Variants in KCNH7 observed in about 807,000 individuals in gnomAD.
KCNH7 encodes voltage-gated inwardly rectifying potassium channel KCNH7.
In KCNH7, 49 loss-of-function variants were observed where a neutral mutation model predicts 120.8. The ratio of observed to expected loss-of-function variants is 0.41; its 90% CI spans 0.32 to 0.51. The LOEUF is 0.51. Among genes scored for constraint, KCNH7 ranks in the 20% least tolerant of loss-of-function variants. The probability of loss-of-function intolerance (pLI) is 0.38; values close to 1 mark genes in which losing one functional copy is unlikely to be tolerated. For missense variants in KCNH7, 1,097 were observed against 1,446.6 expected, an observed-to-expected ratio of 0.76 and a Z score of 3.92; for synonymous variants, 547 against 516.1, an observed-to-expected ratio of 1.06 and a Z score of -0.81.
At chr2:162,443,013 C>T (rs1688474258) in intron 7 of KCNH7, among the ~76,000 whole-genome samples, 1 of 152,142 alleles carries the variant, frequency 6.6e-6, no homozygotes, top group Non-Finnish European at 1.5e-5. Context: ...TCCTGGGATT[C>T]CTCTTTATCC....
intron 2 of KCNH7, among the ~76,000 whole-genome samples, chr2:162,704,122 T>C (rs899806162): frequency 4.6e-5 from 7 of 152,112 alleles, no homozygotes; most frequent in African/African-American, 1.7e-4. Flanking sequence ...TGAGATTGGG[T>C]AATATTTCCC....
At chr2:162,387,091 A>G (rs1227050240) in intron 12 of KCNH7, among the ~76,000 whole-genome samples, 1 of 150,900 alleles carries the variant, frequency 6.6e-6, no homozygotes. Flanking sequence ...AAAAAATTTG[A>G]TATCCTTGAA....
intron 2 of KCNH7, among the ~76,000 whole-genome samples, chr2:162,647,673 T>C (rs117569223): frequency 1.3e-5 from 2 of 152,300 alleles, no homozygotes; most frequent in East Asian, 3.9e-4. Flanking sequence ...ATTTAAGACG[T>C]GACTTTGCTC....
intron 2 of KCNH7, among the ~76,000 whole-genome samples, chr2:162,676,496 T>C (rs1312281387): frequency 6.6e-6 from 1 of 151,426 alleles, no homozygotes; most frequent in African/African-American, 2.4e-5. Flanking sequence ...TTCCAATTCC[T>C]CTACTTCCAT....
chr2:162,448,696 T>C (rs1310202178), intron 6 of KCNH7, among the ~76,000 whole-genome samples: 1 of 152,094 alleles, frequency 6.6e-6, no homozygotes, highest in Admixed American at 6.6e-5. Flanking sequence ...AACAGCAATC[T>C]TGGAACTGTG....
chr2:162,608,083 C>T (rs1047928813), intron 2 of KCNH7, among the ~76,000 whole-genome samples: 4 of 152,040 alleles, frequency 2.6e-5, no homozygotes, highest in Non-Finnish European at 4.4e-5. Context: ...GTAGTAGTTG[C>T]GGGTGTACTT....
At chr2:162,751,903 C>T (rs1688564668) in intron 2 of KCNH7, among the ~76,000 whole-genome samples, 2 of 151,828 alleles carry the variant, frequency 1.3e-5, no homozygotes, top group Admixed American at 6.6e-5. Context: ...ACCCCTATAA[C>T]TCACTGAATT....
At chr2:162,706,455 C>T (rs1408435475) in intron 2 of KCNH7, among the ~76,000 whole-genome samples, 1 of 151,944 alleles carries the variant, frequency 6.6e-6, no homozygotes, top group Non-Finnish European at 1.5e-5. Context: ...CCTTATTTTC[C>T]CTATTTTACA....
chr2:162,732,173 T>C (rs528716245), intron 2 of KCNH7, among the ~76,000 whole-genome samples: 1 of 152,068 alleles, frequency 6.6e-6, no homozygotes, highest in Non-Finnish European at 1.5e-5. Flanking sequence ...AGGGACTACG[T>C]GTGAAGAGGA....
At chr2:162,618,525 T>G (rs1267573176) in intron 2 of KCNH7, among the ~76,000 whole-genome samples, 1 of 152,148 alleles carries the variant, frequency 6.6e-6, no homozygotes, top group Admixed American at 6.5e-5. Context: ...AAGTACTGAT[T>G]TGAAAATAAA....
chr2:162,716,616 A>C (rs1176263537), intron 2 of KCNH7, among the ~76,000 whole-genome samples: 3 of 152,088 alleles, frequency 2.0e-5, no homozygotes, highest in Non-Finnish European at 4.4e-5. Context: ...ATTATTATTT[A>C]TTAGGGCTTT....
chr2:162,435,743 CTT>C, intron 7 of KCNH7, 146 bp from the exon 8 acceptor site: 2 of 647,688 alleles, frequency 3.1e-6, no homozygotes, highest in Non-Finnish European at 4.7e-6. Context: ...AAACTTGGTT[CTT>C]TTTTTTTTAT....
At chr2:162,668,262 T>C (rs1685215978) in intron 2 of KCNH7, among the ~76,000 whole-genome samples, 1 of 152,170 alleles carries the variant, frequency 6.6e-6, no homozygotes, top group Non-Finnish European at 1.5e-5. Flanking sequence ...GGCTTAAATT[T>C]GAACATTTGC....
intron 9 of KCNH7, among the ~76,000 whole-genome samples, chr2:162,419,387 C>T (rs1464730833): frequency 6.6e-6 from 1 of 151,340 alleles, no homozygotes; most frequent in Non-Finnish European, 1.5e-5. Flanking sequence ...TTAGAATTGC[C>T]ATCCTCAAGC....
intron 2 of KCNH7, among the ~76,000 whole-genome samples, chr2:162,669,748 C>A (rs1685273500): frequency 6.6e-6 from 1 of 152,090 alleles, no homozygotes; most frequent in African/African-American, 2.4e-5. Context: ...AGCCCCCCAC[C>A]CAAAGAATTG....
At chr2:162,433,556 T>C (rs1013722882) in intron 8 of KCNH7, among the ~76,000 whole-genome samples, 3 of 152,076 alleles carry the variant, frequency 2.0e-5, no homozygotes, top group Non-Finnish European at 4.4e-5. Flanking sequence ...TAAATGGTGC[T>C]GAGACAGCTG....
chr2:162,425,794 T>C (rs747872466), intron 8 of KCNH7, among the ~76,000 whole-genome samples: 4 of 152,194 alleles, frequency 2.6e-5, no homozygotes, highest in Non-Finnish European at 5.9e-5. Context: ...GTTATTTGGA[T>C]GGTAGAGTTT....
At position 162,763,331 on chromosome 2, in the gene KCNH7, T is replaced by A. The variant is rs558779842; in HGVS notation, c.307+73206A>T. Reference sequence around the variant, plus strand: ...CCAAAAGCCCTGTATCTATATCCATTTTTATCAGTTATTACTATGCCATTT... The same window carrying A: ...CCAAAAGCCCTGTATCTATATCCATATTTATCAGTTATTACTATGCCATTT... On this transcript the variant is annotated intron_variant, in intron 2 of 15. Coordinates refer to ENST00000332142, the MANE Select transcript of KCNH7 (RefSeq NM_033272.4). Among the ~76,000 whole-genome samples, 100 of 152,196 alleles carry A rather than the reference T, an allele frequency of 6.6e-4. 1 individual carries two copies. The South Asian group carries it at 0.015, about 22-fold the overall frequency.
chr2:162,741,505 T>C (rs1688136809), intron 2 of KCNH7, among the ~76,000 whole-genome samples: 2 of 152,022 alleles, frequency 1.3e-5, no homozygotes. Context: ...ACATGCTATG[T>C]GCTACATATT....
Sources: gnomAD v4.1 joint callset for allele counts (sites outside exome capture counted in the v4.1 genomes callset) on GRCh38, gnomAD v4.1.1 for gene constraint, MANE v1.5 for transcripts, NCBI Gene and HGNC (gene_info 2026-07-23, HGNC 2026-07-21) for gene names.